CBLB: variants seen among roughly 807,000 people sequenced by gnomAD.
CBLB encodes E3 ubiquitin-protein ligase CBL-B.
Under a neutral mutation model 104.9 loss-of-function variants are expected in CBLB, and 31 were observed. That is an observed-to-expected ratio of 0.30 (90% CI 0.22 to 0.40). The LOEUF (loss-of-function observed/expected upper bound fraction) is 0.40, where lower values mean the gene tolerates loss of function less well. CBLB is among the 10% of genes least tolerant of loss of function. The pLI is 1.00. For missense variants in CBLB, 1,062 were observed against 1,214.6 expected, an observed-to-expected ratio of 0.87 and a Z score of 1.87; for synonymous variants, 440 against 422.6, an observed-to-expected ratio of 1.04 and a Z score of -0.51.
intron 3 of CBLB, among the ~76,000 whole-genome samples, chr3:105,826,479 T>C (rs1320495634): frequency 6.6e-6 from 1 of 152,224 alleles, no homozygotes; most frequent in South Asian, 2.1e-4. Context: ...TTCATGTGCA[T>C]TTTAAATGGT....
At chr3:105,868,675 C>G in intron 1 of CBLB, 61 bp downstream of exon 1, 2 of 984,850 alleles carry the variant, frequency 2.0e-6, no homozygotes, top group Non-Finnish European at 2.4e-6. Context: ...CGCCTGGCTA[C>G]CCCGGGCCCC....
chr3:105,725,269 A>G (rs987048235), intron 9 of CBLB, among the ~76,000 whole-genome samples: 1 of 152,208 alleles, frequency 6.6e-6, no homozygotes, highest in Non-Finnish European at 1.5e-5. Flanking sequence ...TGTTTTAAAC[A>G]TTTGTTGCTT....
At chr3:105,756,792 G>T (rs2077120480) in intron 4 of CBLB, among the ~76,000 whole-genome samples, 1 of 152,158 alleles carries the variant, frequency 6.6e-6, no homozygotes, top group African/African-American at 2.4e-5. Context: ...AACACTGGAT[G>T]ATAGAGTTTG....
chr3:105,758,668 G>A (rs1233655573), intron 4 of CBLB, among the ~76,000 whole-genome samples: 1 of 152,242 alleles, frequency 6.6e-6, no homozygotes, highest in East Asian at 1.9e-4. Flanking sequence ...ACTGCGCACA[G>A]CCAAGCACAC....
intron 9 of CBLB, among the ~76,000 whole-genome samples, chr3:105,723,682 G>C (rs2073199748): frequency 6.6e-6 from 1 of 151,926 alleles, no homozygotes; most frequent in Non-Finnish European, 1.5e-5. Context: ...AATGAATATT[G>C]TTAGTACCAT....
chr3:105,823,171 T>C (rs1189021604), intron 3 of CBLB, among the ~76,000 whole-genome samples: 1 of 152,200 alleles, frequency 6.6e-6, no homozygotes, highest in Non-Finnish European at 1.5e-5. Context: ...GTCTCTGACA[T>C]TCTTCCTGCT....
At chr3:105,810,817 A>C (rs1027183639) in intron 3 of CBLB, among the ~76,000 whole-genome samples, 1 of 152,122 alleles carries the variant, frequency 6.6e-6, no homozygotes, top group African/African-American at 2.4e-5. Context: ...GTTAGGAGTA[A>C]ATGCCTGCTA....
chr3:105,687,402 A>G (rs2067146111), intron 13 of CBLB, among the ~76,000 whole-genome samples: 1 of 152,118 alleles, frequency 6.6e-6, no homozygotes, highest in African/African-American at 2.4e-5. Flanking sequence ...GAATTTCTCG[A>G]GTAATTTCCC....
chr3:105,784,897 T>C (rs1369261540), intron 3 of CBLB, among the ~76,000 whole-genome samples: 1 of 152,222 alleles, frequency 6.6e-6, no homozygotes, highest in Non-Finnish European at 1.5e-5. Context: ...CTGCTTTCCG[T>C]GAGTTAAGCC....
chr3:105,671,213 GA>G (rs1342041673), intron 17 of CBLB: 5 of 200,642 alleles, frequency 2.5e-5, no homozygotes, highest in Admixed American at 1.2e-4. Flanking sequence ...TTTTTGAGTA[GA>G]CAAACATTAC....
Position 105,657,709 on chromosome 3 carries a change from T to C in CBLB, c.*1261A>G, listed in dbSNP as rs1576048900. ...AAGAACCAACCACCATTTTGTAAAA[T>C]AGGCAAAACTACATTAATTTCTTTC... On this transcript the variant is annotated 3_prime_UTR_variant, in exon 19 of 19. Coordinates refer to ENST00000394030, the MANE Select transcript of CBLB (RefSeq NM_170662.5). 2 of 204,056 alleles carry C rather than the reference T, an allele frequency of 9.8e-6. No homozygotes were observed. Among genetic ancestry groups the C allele is most frequent in the South Asian group, 1.9e-4 (1 of 5,234 alleles). The allele number at this position is 204,056 out of a possible 1,614,324, so 12.6% of individuals were successfully genotyped here. A position where few individuals can be genotyped will look rare whatever the true frequency, so the allele number is the denominator to read the frequency against.
At chr3:105,688,194 C>T (rs2067236322) in intron 13 of CBLB, among the ~76,000 whole-genome samples, 1 of 152,040 alleles carries the variant, frequency 6.6e-6, no homozygotes, top group South Asian at 2.1e-4. Context: ...GCTGACTCCA[C>T]ATTAAAGCCT....
At chr3:105,758,482 T>C (rs747705918) in intron 4 of CBLB, among the ~76,000 whole-genome samples, 12 of 152,044 alleles carry the variant, frequency 7.9e-5, no homozygotes, top group Non-Finnish European at 5.9e-5. Context: ...CAGAAACCTC[T>C]GTGATTGGTT....
chr3:105,665,404 AATAAATAAATAAATATATATATATATAT>A (rs1398592261), intron 18 of CBLB, among the ~76,000 whole-genome samples: 42 of 62,486 alleles, frequency 6.7e-4, no homozygotes, highest in African/African-American at 2.2e-3. Flanking sequence ...TAAATAAATA[AATAAATAAATAAATATATATATATATAT>A]ATATATATAT....
chr3:105,747,346 TTTTG>T (rs1043379651), intron 5 of CBLB, among the ~76,000 whole-genome samples: 5 of 152,226 alleles, frequency 3.3e-5, no homozygotes, highest in African/African-American at 9.6e-5. Context: ...AAGTTCCTGC[TTTTG>T]TTTGTTTTGA....
At chr3:105,845,717 C>A (rs1385057283) in intron 3 of CBLB, among the ~76,000 whole-genome samples, 1 of 152,042 alleles carries the variant, frequency 6.6e-6, no homozygotes, top group Non-Finnish European at 1.5e-5. Flanking sequence ...TAACAGACTC[C>A]CTTTGTTTAA....
intron 4 of CBLB, among the ~76,000 whole-genome samples, chr3:105,775,245 T>C (rs892625640): frequency 6.6e-6 from 1 of 152,240 alleles, no homozygotes; most frequent in East Asian, 1.9e-4. Context: ...ATGTGGGAAA[T>C]AGGCTTTAAT....
chr3:105,661,189 T>C (rs2063758269), intron 18 of CBLB, among the ~76,000 whole-genome samples: 1 of 152,200 alleles, frequency 6.6e-6, no homozygotes, highest in Non-Finnish European at 1.5e-5. Flanking sequence ...CAATGTATAT[T>C]AAAGTATGCC....
At chr3:105,792,715 A>G (rs1345349115) in intron 3 of CBLB, among the ~76,000 whole-genome samples, 3 of 152,158 alleles carry the variant, frequency 2.0e-5, no homozygotes, top group Non-Finnish European at 4.4e-5. Flanking sequence ...GAAATGGAAG[A>G]GGACCAGGCA....
Sources: gnomAD v4.1 joint callset for allele counts (sites outside exome capture counted in the v4.1 genomes callset) on GRCh38, gnomAD v4.1.1 for gene constraint, MANE v1.5 for transcripts, NCBI Gene and HGNC (gene_info 2026-07-23, HGNC 2026-07-21) for gene names.